The following EGF variants were observed in gnomAD, a reference collection of about 807,000 sequenced individuals.
The protein encoded by EGF is epidermal growth factor.
A neutral mutation model predicts 143.8 loss-of-function variants in EGF; 95 were observed. The ratio of observed to expected loss-of-function variants is 0.66; its 90% CI spans 0.56 to 0.78. The LOEUF is 0.78. Among genes scored for constraint, EGF ranks in the 30% least tolerant of loss-of-function variants. The pLI, the probability that EGF is intolerant of heterozygous loss-of-function variation, is 0.00. For synonymous variants in EGF, 510 were observed against 510.5 expected, an observed-to-expected ratio of 1.00 and a Z score of 0.01; for missense variants, 1,320 against 1,470.9, an observed-to-expected ratio of 0.90 and a Z score of 1.68.
intron 1 of EGF, among the ~76,000 whole-genome samples, chr4:109,931,404 A>G (rs1215793981): frequency 4.6e-5 from 7 of 152,242 alleles, no homozygotes; most frequent in East Asian, 3.8e-4. Flanking sequence ...ATGGAATTAC[A>G]ATTGGCTACG....
chr4:110,013,703 A>G lies in EGF; in HGVS notation c.*2248A>G, dbSNP rs543616045. The stretch of plus-strand genomic sequence containing the variant: ...GCTTCTGTTTGACTAAATATCACCT[A>G]CTATGTAAAAAATGAGCATATTGGC... On this transcript the variant is annotated 3_prime_UTR_variant, in exon 24 of 24. Coordinates refer to ENST00000265171, the MANE Select transcript of EGF (RefSeq NM_001963.6). 1.3e-5 allele frequency among the ~76,000 whole-genome samples: 2 copies of G among 152,114 alleles called. No individual in the cohort carries two copies. The highest frequency in any genetic ancestry group is 4.2e-4 in the South Asian group (2 of 4,790).
intron 23 of EGF, among the ~76,000 whole-genome samples, chr4:110,009,927 A>G (rs911628086): frequency 6.6e-6 from 1 of 152,190 alleles, no homozygotes; most frequent in African/African-American, 2.4e-5. Flanking sequence ...GGAAAAGAAA[A>G]GAAATACACC....
At chr4:109,923,450 T>C (rs1328006703) in intron 1 of EGF, among the ~76,000 whole-genome samples, 1 of 151,614 alleles carries the variant, frequency 6.6e-6, no homozygotes, top group Non-Finnish European at 1.5e-5. Flanking sequence ...TCAGTATAAA[T>C]GAGACTTACA....
intron 1 of EGF, among the ~76,000 whole-genome samples, chr4:109,934,314 T>C (rs550927437): frequency 2.0e-5 from 3 of 152,222 alleles, no homozygotes; most frequent in Non-Finnish European, 4.4e-5. Context: ...TATGCAGTTA[T>C]GTCATCTGCA....
chr4:110,008,319 C>G, intron 23 of EGF, 89 bp downstream of exon 23: 1 of 1,433,056 alleles, frequency 7.0e-7, no homozygotes, highest in Non-Finnish European at 9.8e-7. Context: ...TAACCACACA[C>G]ACACACACAA....
At chr4:109,990,645 A>G (rs1750804867) in intron 18 of EGF, among the ~76,000 whole-genome samples, 1 of 152,170 alleles carries the variant, frequency 6.6e-6, no homozygotes, top group Non-Finnish European at 1.5e-5. Context: ...ATATCCTCTC[A>G]TGGTTCTGGA....
At chr4:109,996,231 G>A (rs1016454228) in intron 20 of EGF, among the ~76,000 whole-genome samples, 2 of 152,108 alleles carry the variant, frequency 1.3e-5, no homozygotes, top group African/African-American at 4.8e-5. Flanking sequence ...GTTTTCATTT[G>A]GATCTGATAA....
intron 1 of EGF, among the ~76,000 whole-genome samples, chr4:109,937,054 G>T (rs1740952849): frequency 6.6e-6 from 1 of 152,030 alleles, no homozygotes; most frequent in Non-Finnish European, 1.5e-5. Flanking sequence ...TATTAGGTCT[G>T]CTTGGTCCAG....
chr4:109,926,350 C>CT (rs60679717), intron 1 of EGF, among the ~76,000 whole-genome samples: 3,415 of 124,466 alleles, frequency 0.027, 66 homozygotes, highest in South Asian at 0.036. Flanking sequence ...GAGACACTGT[C>CT]TTTTTTTTTT....
chr4:109,953,352 C>T (rs1744251367), intron 5 of EGF, among the ~76,000 whole-genome samples: 2 of 152,282 alleles, frequency 1.3e-5, no homozygotes, highest in Admixed American at 1.3e-4. Context: ...TTATTAGAGG[C>T]TCAAAGCAAT....
chr4:109,987,921 C>T (rs1218969816), intron 17 of EGF, 61 bp downstream of exon 17: 1 of 1,272,296 alleles, frequency 7.9e-7, no homozygotes, highest in Non-Finnish European at 1.2e-6. Context: ...ATTTTTTCTG[C>T]TCTTTCTGAC....
chr4:109,984,374 TATC>T (rs903675317), intron 16 of EGF, among the ~76,000 whole-genome samples: 17 of 152,200 alleles, frequency 1.1e-4, no homozygotes, highest in East Asian at 3.8e-4. Flanking sequence ...TACCTCACCT[TATC>T]AGTGTGATTT....
At chr4:109,939,184 G>A (rs1741461725) in intron 1 of EGF, among the ~76,000 whole-genome samples, 2 of 152,292 alleles carry the variant, frequency 1.3e-5, no homozygotes, top group African/African-American at 4.8e-5. Flanking sequence ...TGCCCAGTTC[G>A]AGCTTCCCTG....
chr4:109,993,148 C>T, intron 18 of EGF, 99 bp from the exon 19 acceptor site: 1 of 1,499,728 alleles, frequency 6.7e-7, no homozygotes, highest in Non-Finnish European at 9.2e-7. Context: ...TATAGCATGA[C>T]AGAAGCTGAT....
rs772189572 is a variant in EGF, at chr4:110,004,215, T to TAC, written c.3174-254_3174-253dup. On this transcript the variant is annotated intron_variant, in intron 21 of 23. Coordinates refer to ENST00000265171, the MANE Select transcript of EGF (RefSeq NM_001963.6). The stretch of plus-strand genomic sequence containing the variant: ...TCCCCCCAACATACATGGGCATACA[T>TAC]ACACACACACACACACACACACACA... The TAC allele has an allele frequency of 0.19, 68,413 of 354,618 alleles. 2,578 individuals are homozygous for TAC. Among genetic ancestry groups the TAC allele is most frequent in the Non-Finnish European group, 0.22 (42,378 of 194,796 alleles). The allele number at this position is 354,618 out of a possible 1,614,324, so 22.0% of individuals were successfully genotyped here. A position where few individuals can be genotyped will look rare whatever the true frequency, so the allele number is the denominator to read the frequency against.
At chr4:109,996,739 C>T (rs904107217) in intron 20 of EGF, among the ~76,000 whole-genome samples, 2 of 152,262 alleles carry the variant, frequency 1.3e-5, no homozygotes, top group South Asian at 2.1e-4. Flanking sequence ...AGGGTGCCCC[C>T]GGGGTGATGC....
At chr4:109,923,872 T>C (rs1738208622) in intron 1 of EGF, among the ~76,000 whole-genome samples, 1 of 151,460 alleles carries the variant, frequency 6.6e-6, no homozygotes, top group Non-Finnish European at 1.5e-5. Flanking sequence ...CCACCCACCT[T>C]GGCCTCCCAA....
chr4:109,941,153 A>T lies in EGF; in HGVS notation c.327+8A>T. The T allele has an allele frequency of 6.2e-7, 1 of 1,612,790 alleles. No individual in the cohort carries two copies. The highest frequency in any genetic ancestry group is 1.1e-5 in the South Asian group (1 of 91,016). On this transcript the variant is annotated splice_region_variant and intron_variant, in intron 2 of 23. Coordinates refer to ENST00000265171, the MANE Select transcript of EGF (RefSeq NM_001963.6). Reference sequence around the variant, plus strand: ...AATGGGTCAAGGCAAGAGGTAAAATACCCTTACCTACAGTGTTTGAGCTGT... The same window carrying T: ...AATGGGTCAAGGCAAGAGGTAAAATTCCCTTACCTACAGTGTTTGAGCTGT...
At chr4:109,915,607 CT>C (rs1208583870) in intron 1 of EGF, among the ~76,000 whole-genome samples, 1 of 152,198 alleles carries the variant, frequency 6.6e-6, no homozygotes, top group South Asian at 2.1e-4. Flanking sequence ...TGATAACTGC[CT>C]GGGTCACCCT....
Sources: allele counts gnomAD v4.1 joint callset (sites outside exome capture counted in the v4.1 genomes callset), GRCh38; gene constraint gnomAD v4.1.1; transcripts MANE v1.5; gene names NCBI Gene and HGNC (gene_info 2026-07-23, HGNC 2026-07-21).